MOB3C: variants seen among roughly 807,000 people sequenced by gnomAD.
MOB3C encodes MOB kinase activator 3C.
In MOB3C, 17 loss-of-function variants were observed where a neutral mutation model predicts 19.8. The observed-to-expected ratio is 0.86, with a 90% CI of 0.59 to 1.29. MOB3C has a LOEUF of 1.29. Among genes scored for constraint, MOB3C ranks in the 50% most tolerant of loss-of-function variants. MOB3C has a pLI of 0.00. For missense variants in MOB3C, 291 were observed against 301.9 expected (o/e 0.96, Z 0.27); for synonymous variants, 101 against 119.2 (o/e 0.85, Z 0.99).
chr1:46,613,005 T>G lies in MOB3C; in HGVS notation c.317A>C (p.Tyr106Ser), dbSNP rs1310335570. ...YEYRWQDERQ[Y>S]RRPAKLSAPR... Reference sequence around the variant, plus strand: ...CGCAGAGAGCTTGGCGGGCCGCCGGTACTGGCGCTCGTCCTGCCAGCGGTA... The same window carrying G: ...CGCAGAGAGCTTGGCGGGCCGCCGGGACTGGCGCTCGTCCTGCCAGCGGTA... Residue 106 changes from tyrosine to serine, a missense_variant, in exon 2 of 4, where the codon TAC becomes TCC. Coordinates refer to ENST00000319928, the MANE Select transcript of MOB3C (RefSeq NM_201403.3). The G allele has an allele frequency of 5.0e-6, 8 of 1,613,180 alleles. No individual in the cohort carries two copies. The East Asian group carries it at 1.8e-4, about 36-fold the overall frequency.
At position 46,611,372 on chromosome 1, in the gene MOB3C, TCA is replaced by T. The variant is rs561394683; in HGVS notation, c.419-1170_419-1169del. ...TCTTTGCAGTGCACTGCAGCGACCCTCACAGATATTGGGACCCATGAAAAAGG... is the reference window on the plus strand; with the variant it reads ...TCTTTGCAGTGCACTGCAGCGACCCTCAGATATTGGGACCCATGAAAAAGG... On this transcript the variant is annotated intron_variant, in intron 2 of 3. Transcript: ENST00000319928. The surrounding 1 kb of genome is among the most constrained non-coding windows in gnomAD (Gnocchi z 4.1). Among the ~76,000 whole-genome samples, 62 of 152,240 alleles carry T rather than the reference TCA, an allele frequency of 4.1e-4. No homozygotes were observed. Among genetic ancestry groups the T allele is most frequent in the African/African-American group, 1.3e-3 (54 of 41,556 alleles).
intron 1 of MOB3C, chr1:46,615,020 A>G: frequency 3.1e-6 from 5 of 1,613,114 alleles, no homozygotes; most frequent in Non-Finnish European, 4.2e-6. Context: ...TTCTCACCCA[A>G]AGAAGTCCCC....
intron 1 of MOB3C, chr1:46,614,628 T>G: frequency 4.0e-6 from 1 of 250,246 alleles, no homozygotes; most frequent in Non-Finnish European, 7.6e-6. Flanking sequence ...GACTCTAGCC[T>G]TTAGCCCTAC....
At position 46,611,696 on chromosome 1, in the gene MOB3C, G is replaced by T. The variant is rs1675471972; in HGVS notation, c.418+1208C>A. On this transcript the variant is annotated intron_variant, in intron 2 of 3. Coordinates refer to ENST00000319928, the MANE Select transcript of MOB3C (RefSeq NM_201403.3). The surrounding 1 kb of genome is among the most constrained non-coding windows in gnomAD (Gnocchi z 4.1). The stretch of plus-strand genomic sequence containing the variant: ...CATATCCTGCCCATGTAGACTTGGG[G>T]TCCTGGGCTCCCACAGATCTGAGCC... Among the ~76,000 whole-genome samples, 2 of 152,126 alleles carry T rather than the reference G, an allele frequency of 1.3e-5. No individual in the cohort carries two copies. Among genetic ancestry groups the T allele is most frequent in the Admixed American group, 1.3e-4 (2 of 15,274 alleles).
intron 3 of MOB3C, 21 bp downstream of exon 3, chr1:46,609,981 G>C (rs1320666351): frequency 6.2e-7 from 1 of 1,613,180 alleles, no homozygotes; most frequent in East Asian, 2.2e-5. Flanking sequence ...GGTAGGGGAG[G>C]GTGGTAGGGC....
rs1382838964 is a variant in MOB3C, at chr1:46,612,735, C to A, written c.418+169G>T. ...CAAATTGGGAGTCAGGAAGTCCTAG[C>A]AAATGCTTGACCTTGAGCAAGGCAC... On this transcript the variant is annotated intron_variant, in intron 2 of 3. Transcript: ENST00000319928. 2.0e-5 allele frequency among the ~76,000 whole-genome samples: 3 copies of A among 152,044 alleles called. No homozygotes were observed. In the East Asian group the frequency reaches 5.8e-4, roughly 29 times the overall value.
intron 1 of MOB3C, chr1:46,615,238 G>T: frequency 1.7e-6 from 1 of 599,968 alleles, no homozygotes. Flanking sequence ...TACCTTTCCT[G>T]CCCCACTTCC....
chr1:46,609,944 G>A, intron 3 of MOB3C, 58 bp downstream of exon 3: 1 of 1,593,766 alleles, frequency 6.3e-7, no homozygotes, highest in Non-Finnish European at 8.6e-7. Context: ...GGCAGCTTTT[G>A]GACGTGAAAA....
intron 1 of MOB3C, 26 bp from the exon 2 acceptor site, chr1:46,613,397 G>A (rs1343355880): frequency 7.0e-6 from 11 of 1,564,354 alleles, no homozygotes; most frequent in Non-Finnish European, 9.5e-6. Flanking sequence ...GCATAGGGGA[G>A]CTGGCGGTCA....
At position 46,607,737 on chromosome 1, in the gene MOB3C, A is replaced by G. The variant is rs1675389362; in HGVS notation, c.*1918T>C. On this transcript the variant is annotated 3_prime_UTR_variant, in exon 4 of 4. Transcript: ENST00000319928. The stretch of plus-strand genomic sequence containing the variant: ...CAGTGGCTGCTTTAGTTTGCCTTTT[A>G]TTTTACCAAAAATAACAACAATAAA... 1 of 152,092 alleles carries G rather than the reference A, an allele frequency of 6.6e-6. No homozygotes were observed. Among genetic ancestry groups the G allele is most frequent in the Non-Finnish European group, 1.5e-5 (1 of 67,992 alleles). The allele number at this position is 152,092 out of a possible 1,614,324, so 9.4% of individuals were successfully genotyped here.
At chr1:46,614,961 A>G in intron 1 of MOB3C, 1 of 1,595,166 alleles carries the variant, frequency 6.3e-7, no homozygotes, top group Non-Finnish European at 8.6e-7. Flanking sequence ...TTCTCTTGAA[A>G]AAAACTCACA....
rs1162037913 is a variant in MOB3C, at chr1:46,611,937, C to T, written c.418+967G>A. ...CAGGGCTTGACCACCCTGCCCCACC[C>T]ACCGCTGATCCACACAGCCTCTGCA... On this transcript the variant is annotated intron_variant, in intron 2 of 3. Transcript: ENST00000319928. This position sits in a 1 kb window ranked among gnomAD's most constrained non-coding sequence, Gnocchi z 4.1. 2.0e-5 allele frequency among the ~76,000 whole-genome samples: 3 copies of T among 151,846 alleles called. No homozygotes were observed. The highest frequency in any genetic ancestry group is 2.9e-5 in the Non-Finnish European group (2 of 67,958).
intron 1 of MOB3C, chr1:46,616,346 G>T (rs1041440125): frequency 3.3e-5 from 5 of 152,468 alleles, no homozygotes; most frequent in African/African-American, 1.2e-4. Context: ...AAGTAGAGGC[G>T]AAGACTCCAC....
chr1:46,609,316 C>T lies in MOB3C; in HGVS notation c.*339G>A. The T allele has an allele frequency of 1.2e-5, 5 of 417,880 alleles. 1 individual carries two copies. The highest frequency in any genetic ancestry group is 1.1e-4 in the South Asian group (5 of 43,630). The allele number at this position is 417,880 out of a possible 1,614,324, so 25.9% of individuals were successfully genotyped here. On this transcript the variant is annotated 3_prime_UTR_variant, in exon 4 of 4. Transcript: ENST00000319928. The stretch of plus-strand genomic sequence containing the variant: ...TTTCTTGCACCTTTCTTGCCATCAC[C>T]TCGGCCACACCCACATTCCTCCAAT...
chr1:46,614,682 G>T, intron 1 of MOB3C: 1 of 339,064 alleles, frequency 2.9e-6, no homozygotes. Context: ...GACCTCTGAC[G>T]CTGGAGCACT....
chr1:46,615,308 T>C, intron 1 of MOB3C: 1 of 523,484 alleles, frequency 1.9e-6, no homozygotes, highest in East Asian at 3.1e-5. Context: ...CCCCCACTCT[T>C]TTGCCTCTGC....
chr1:46,609,538 G>A lies in MOB3C; in HGVS notation c.*117C>T. The A allele has an allele frequency of 3.1e-6, 4 of 1,291,206 alleles. No individual in the cohort carries two copies. The Admixed American group carries it at 5.4e-5, about 17-fold the overall frequency. The allele number at this position is 1,291,206 out of a possible 1,614,324, so 80.0% of individuals were successfully genotyped here. ...TGAGAACCAGAAGTCCAGAGGCTTT[G>A]GGTGTGTGGAGTGATTCCAGTGCCT... On this transcript the variant is annotated 3_prime_UTR_variant, in exon 4 of 4. Coordinates refer to ENST00000319928, the MANE Select transcript of MOB3C (RefSeq NM_201403.3).
At chr1:46,610,455 C>G (rs1675446001) in intron 2 of MOB3C, among the ~76,000 whole-genome samples, 2 of 152,220 alleles carry the variant, frequency 1.3e-5, no homozygotes, top group Admixed American at 1.3e-4. Context: ...ATGATCTCGG[C>G]TCACTGCAAC....
intron 1 of MOB3C, 44 bp from the exon 2 acceptor site, chr1:46,613,415 A>G: frequency 6.6e-7 from 1 of 1,514,740 alleles, no homozygotes; most frequent in Non-Finnish European, 8.9e-7. Context: ...TCAAGGCCTT[A>G]TCATCTGGGC....
Sources: gnomAD v4.1 joint callset for allele counts (sites outside exome capture counted in the v4.1 genomes callset) on GRCh38, gnomAD v4.1.1 for gene constraint, Gnocchi (gnomAD v3.1) non-coding constraint, MANE v1.5 for transcripts, NCBI Gene and HGNC (gene_info 2026-07-23, HGNC 2026-07-21) for gene names.